FRY: variants seen among roughly 807,000 people sequenced by gnomAD.
The protein encoded by FRY is protein furry homolog.
In FRY, 128 loss-of-function variants were observed where a neutral mutation model predicts 348.4. The ratio of observed to expected loss-of-function variants is 0.37; its 90% CI spans 0.32 to 0.43. The LOEUF is 0.43. Ranked by LOEUF, FRY falls within the 20% of genes least tolerant of loss-of-function variation. The probability of loss-of-function intolerance (pLI) is 1.00; values close to 1 mark genes in which losing one functional copy is unlikely to be tolerated. For missense variants in FRY, 2,736 were observed against 3,695.2 expected (o/e 0.74, Z 6.73); for synonymous variants, 1,370 against 1,374.7 (o/e 1.00, Z 0.08).
chr13:32,254,457 T>A lies in FRY; in HGVS notation c.7416+63T>A, dbSNP rs1304355898. On this transcript the variant is annotated intron_variant, in intron 51 of 60. Coordinates refer to ENST00000542859, the MANE Select transcript of FRY (RefSeq NM_023037.3). ...TTTTCCTTGACTAATGAAACTATTC[T>A]TTTTACCTGCTAAATAATGAGTTTT... is the stretch of plus-strand genomic sequence containing the variant. 3 of 1,358,080 alleles carry A rather than the reference T, an allele frequency of 2.2e-6. No individual in the cohort carries two copies. In the African/African-American group the frequency reaches 4.4e-5, roughly 20 times the overall value. The allele number at this position is 1,358,080 out of a possible 1,614,324, so 84.1% of individuals were successfully genotyped here.
rs570546804 is a variant in FRY at position 32,215,139 on chromosome 13, C to G, written c.4682+2757C>G. On this transcript the variant is annotated intron_variant, in intron 35 of 60. Coordinates refer to ENST00000542859, the MANE Select transcript of FRY (RefSeq NM_023037.3). Reference sequence around the variant, plus strand: ...AAGGAAAACTACAACTTAACATTAACCTAACCTTGAGGCCCCAGTAGCCAA... The same window carrying G: ...AAGGAAAACTACAACTTAACATTAAGCTAACCTTGAGGCCCCAGTAGCCAA... Among the ~76,000 whole-genome samples the G allele has an allele frequency of 1.3e-3, 204 of 152,178 alleles. 2 individuals are homozygous for G. The highest frequency in any genetic ancestry group is 2.0e-3 in the Non-Finnish European group (139 of 67,978).
chr13:32,279,905 GA>G (rs1212333126), intron 58 of FRY, among the ~76,000 whole-genome samples: 5 of 152,186 alleles, frequency 3.3e-5, no homozygotes, highest in Non-Finnish European at 5.9e-5. Context: ...TAAGCCCCTT[GA>G]TAAGTTTTAG....
chr13:32,052,933 G>A (rs1316667955), intron 1 of FRY, among the ~76,000 whole-genome samples: 1 of 152,166 alleles, frequency 6.6e-6, no homozygotes, highest in Non-Finnish European at 1.5e-5. Context: ...GGCCAACATG[G>A]TGAAACCCCG....
At chr13:32,128,961 T>C (rs1286217247) in intron 7 of FRY, among the ~76,000 whole-genome samples, 1 of 152,202 alleles carries the variant, frequency 6.6e-6, no homozygotes, top group Non-Finnish European at 1.5e-5. Flanking sequence ...TTTCCCACAG[T>C]TCTGGAGTTG....
chr13:32,204,768 T>C (rs1884256270), intron 31 of FRY, among the ~76,000 whole-genome samples: 1 of 152,226 alleles, frequency 6.6e-6, no homozygotes, highest in African/African-American at 2.4e-5. Context: ...ATTCTCTTCT[T>C]GCAAAACTAA....
In FRY at chr13:32,133,768, C is replaced by CTTTTTTTTTTTTTTTTTT. The variant is rs34413710; in HGVS notation, c.886-1131_886-1114dup. Reference sequence around the variant, plus strand: ...CTTTCTTTTCTTTCTTTCTTTCTTTCTTTTTTTTTTTTTTTTTTTTTTGAA... The same window carrying CTTTTTTTTTTTTTTTTTT: ...CTTTCTTTTCTTTCTTTCTTTCTTTCTTTTTTTTTTTTTTTTTTTTTTTTTTTTTTTTTTTTTTTTGAA... On this transcript the variant is annotated intron_variant, in intron 8 of 60. Coordinates refer to ENST00000542859, the MANE Select transcript of FRY (RefSeq NM_023037.3). Among the ~76,000 whole-genome samples, 70 of 89,282 alleles carry CTTTTTTTTTTTTTTTTTT rather than the reference C, an allele frequency of 7.8e-4. 2 individuals are homozygous for CTTTTTTTTTTTTTTTTTT. Among genetic ancestry groups the CTTTTTTTTTTTTTTTTTT allele is most frequent in the Middle Eastern group, 9.6e-3 (1 of 104 alleles). 58.6% of individuals were successfully genotyped at this position (89,282 alleles called of 152,430 possible). A position where few individuals can be genotyped will look rare whatever the true frequency, so the allele number is the denominator to read the frequency against.
chr13:32,096,786 G>C (rs2138611751), intron 2 of FRY, among the ~76,000 whole-genome samples: 1 of 102,236 alleles, frequency 9.8e-6, no homozygotes, highest in Non-Finnish European at 1.8e-5. Flanking sequence ...CTGGGTGACA[G>C]AGCAAGACTC....
chr13:32,112,193 T>C (rs1282451233), intron 3 of FRY, among the ~76,000 whole-genome samples: 4 of 152,162 alleles, frequency 2.6e-5, no homozygotes, highest in Admixed American at 1.3e-4. Flanking sequence ...GCAAATTCTG[T>C]TACTTATTCT....
At chr13:32,198,631 A>C (rs1468329146) in intron 29 of FRY, among the ~76,000 whole-genome samples, 1 of 152,170 alleles carries the variant, frequency 6.6e-6, no homozygotes, top group African/African-American at 2.4e-5. Flanking sequence ...AAGATTAAAT[A>C]ACAAATCTAA....
At chr13:32,087,927 A>G (rs1240528828) in intron 2 of FRY, among the ~76,000 whole-genome samples, 3 of 152,236 alleles carry the variant, frequency 2.0e-5, no homozygotes. Context: ...AATCATCTTC[A>G]TAGGCTTATC....
In FRY at chr13:32,265,699, G is replaced by T. The variant is rs551550390; in HGVS notation, c.7946+83G>T. 6.7e-6 allele frequency: 9 copies of T among 1,345,252 alleles called. No individual in the cohort carries two copies. In the East Asian group the frequency reaches 2.2e-4, roughly 33 times the overall value. 83.3% of individuals were successfully genotyped at this position (1,345,252 alleles called of 1,614,324 possible). A position where few individuals can be genotyped will look rare whatever the true frequency, so the allele number is the denominator to read the frequency against. On this transcript the variant is annotated intron_variant, in intron 54 of 60. Coordinates refer to ENST00000542859, the MANE Select transcript of FRY (RefSeq NM_023037.3). The stretch of plus-strand genomic sequence containing the variant: ...ATTCACACTCAAGTTAAGTGTCACA[G>T]TTGCACTGCTGGGACATCCTAATAA...
intron 2 of FRY, among the ~76,000 whole-genome samples, chr13:32,089,492 G>C (rs1052492854): frequency 1.3e-5 from 2 of 152,144 alleles, no homozygotes; most frequent in Admixed American, 1.3e-4. Flanking sequence ...GGTGGGCACA[G>C]TGGCTCACAC....
At position 32,209,103 on chromosome 13, in the gene FRY, G is replaced by A. The variant is rs372531058; in HGVS notation, c.4269G>A (p.Thr1423=). ...SLVLNNLMYM[T]AKYGDEVPGP... is the part of the protein sequence containing the mutation. ...TCCTGAACAACCTCATGTACATGAC[G>A]GCCAAGGTAAACTCAGAGGAATTGT... The change falls in exon 32 of 61, where the codon ACG becomes ACA. Residue 1423 remains threonine (T), a synonymous_variant. Transcript: ENST00000542859. The A allele has an allele frequency of 9.3e-5, 150 of 1,614,032 alleles. 1 individual carries two copies. The South Asian group carries it at 9.9e-4, about 11-fold the overall frequency.
At chr13:32,070,667 C>CTG (rs2138493727) in intron 1 of FRY, among the ~76,000 whole-genome samples, 1 of 151,820 alleles carries the variant, frequency 6.6e-6, no homozygotes, top group East Asian at 1.9e-4. Context: ...TGTAGGTTGC[C>CTG]TGTTTACTCT....
At chr13:32,135,317 C>A (rs189812086) in intron 10 of FRY, 134 bp downstream of exon 10, 1 of 681,918 alleles carries the variant, frequency 1.5e-6, no homozygotes, top group Non-Finnish European at 2.6e-6. Flanking sequence ...AAAGAGGCAG[C>A]ATTTGAAACT....
At chr13:32,037,984 A>G (rs903493089) in intron 1 of FRY, among the ~76,000 whole-genome samples, 3 of 152,226 alleles carry the variant, frequency 2.0e-5, no homozygotes, top group African/African-American at 7.2e-5. Context: ...CTTTTTATGC[A>G]GGTTCTGTTA....
rs1466574219 is a variant in FRY at position 32,157,195 on chromosome 13, A to G, written c.1652-78A>G. On this transcript the variant is annotated intron_variant, in intron 15 of 60. Coordinates refer to ENST00000542859, the MANE Select transcript of FRY (RefSeq NM_023037.3). ...TGACTCATAAGGTCTTCAGTAAAAA[A>G]TATTATAGAGGATGAATAAATCAGG... 8.5e-6 allele frequency: 12 copies of G among 1,409,266 alleles called. No individual in the cohort carries two copies. In the East Asian group the frequency reaches 2.5e-4, roughly 30 times the overall value. The allele number at this position is 1,409,266 out of a possible 1,614,324, so 87.3% of individuals were successfully genotyped here.
At chr13:32,273,307 C>T (rs1264695842) in intron 55 of FRY, among the ~76,000 whole-genome samples, 1 of 149,786 alleles carries the variant, frequency 6.7e-6, no homozygotes, top group Non-Finnish European at 1.5e-5. Context: ...CTGCAGGCTC[C>T]GCCCCCTGGG....
At chr13:32,121,103 C>T (rs957255831) in intron 4 of FRY, among the ~76,000 whole-genome samples, 1 of 152,210 alleles carries the variant, frequency 6.6e-6, no homozygotes, top group African/African-American at 2.4e-5. Flanking sequence ...GCTGTTAATT[C>T]ATTCCTTTTT....
Sources: allele counts gnomAD v4.1 joint callset (sites outside exome capture counted in the v4.1 genomes callset), GRCh38; gene constraint gnomAD v4.1.1; transcripts MANE v1.5; gene names NCBI Gene and HGNC (gene_info 2026-07-23, HGNC 2026-07-21).